The following ABCD2 variants were observed in gnomAD, a reference collection of about 807,000 sequenced individuals.
The protein encoded by ABCD2 is ATP-binding cassette sub-family D member 2.
A neutral mutation model predicts 70.9 loss-of-function variants in ABCD2; 36 were observed. The ratio of observed to expected loss-of-function variants is 0.51; its 90% CI spans 0.39 to 0.67. The LOEUF is 0.67. ABCD2 is among the 30% of genes least tolerant of loss of function. The pLI is 0.00. For missense variants in ABCD2, 729 were observed against 890.2 expected (o/e 0.82, Z 2.30); for synonymous variants, 304 against 306.9 (o/e 0.99, Z 0.10).
intron 9 of ABCD2, among the ~76,000 whole-genome samples, chr12:39,571,888 A>T (rs893546910): frequency 9.9e-5 from 15 of 152,168 alleles, no homozygotes; most frequent in Admixed American, 2.0e-4. Context: ...TATGGGAAAA[A>T]TATGACACAT....
Position 39,552,591 on chromosome 12 carries a change from A to T in ABCD2, c.*1321T>A, listed in dbSNP as rs1236279742. Reference sequence around the variant, plus strand: ...TAATTATTTGCCCTTCTCATTGCTAATGCCTTAGAGGTACATTAATATTGA... The same window carrying T: ...TAATTATTTGCCCTTCTCATTGCTATTGCCTTAGAGGTACATTAATATTGA... On this transcript the variant is annotated 3_prime_UTR_variant, in exon 10 of 10. Coordinates refer to ENST00000308666, the MANE Select transcript of ABCD2 (RefSeq NM_005164.4). 2.6e-5 allele frequency: 4 copies of T among 151,980 alleles called. No individual in the cohort carries two copies. 9.4% of individuals were successfully genotyped at this position (151,980 alleles called of 1,614,324 possible).
chr12:39,582,677 A>G (rs1298585330), intron 7 of ABCD2, among the ~76,000 whole-genome samples: 1 of 152,224 alleles, frequency 6.6e-6, no homozygotes, highest in Non-Finnish European at 1.5e-5. Flanking sequence ...TCTGCTTTCC[A>G]TATATAGTAG....
At chr12:39,603,365 T>C (rs181463591) in intron 5 of ABCD2, among the ~76,000 whole-genome samples, 1 of 152,216 alleles carries the variant, frequency 6.6e-6, no homozygotes, top group East Asian at 1.9e-4. Flanking sequence ...ATACTTTTAC[T>C]TTTTAGTTTT....
intron 6 of ABCD2, among the ~76,000 whole-genome samples, chr12:39,597,972 T>C (rs1212785347): frequency 6.6e-6 from 1 of 152,202 alleles, no homozygotes; most frequent in African/African-American, 2.4e-5. Flanking sequence ...ATTGAGGTGG[T>C]TTCATAATTT....
At chr12:39,558,941 G>A (rs1395283831) in intron 9 of ABCD2, among the ~76,000 whole-genome samples, 4 of 152,048 alleles carry the variant, frequency 2.6e-5, no homozygotes, top group African/African-American at 9.7e-5. Context: ...AAATGCAATG[G>A]AGACATCAAT....
intron 9 of ABCD2, among the ~76,000 whole-genome samples, chr12:39,554,556 A>G (rs1162983911): frequency 2.0e-5 from 3 of 152,204 alleles, no homozygotes; most frequent in African/African-American, 7.2e-5. Flanking sequence ...TTAATACACC[A>G]TCCTTTGGGA....
At chr12:39,564,087 T>G (rs970354653) in intron 9 of ABCD2, among the ~76,000 whole-genome samples, 1 of 152,194 alleles carries the variant, frequency 6.6e-6, no homozygotes, top group African/African-American at 2.4e-5. Context: ...ACAATAAACA[T>G]ATGTGTGCAT....
chr12:39,534,790 GAAA>G, the ABCD2 span, among the ~76,000 whole-genome samples: 1 of 137,986 alleles, frequency 7.2e-6, no homozygotes, highest in South Asian at 2.3e-4. Flanking sequence ...AAGAAAGAAA[GAAA>G]GAAAGAAAGA....
Position 39,553,996 on chromosome 12 carries a change from C to T in ABCD2, c.2139G>A (p.Met713Ile). The T allele has an allele frequency of 6.2e-6, 10 of 1,613,436 alleles. No individual in the cohort carries two copies. The highest frequency in any genetic ancestry group is 1.3e-5 in the African/African-American group (1 of 75,024). Reference sequence around the variant, plus strand: ...TACATAGTTCATTGAGTCTCTGCTGCATTTTGGGAATTCCAGCTAGCTGAG... The same window carrying T: ...TACATAGTTCATTGAGTCTCTGCTGTATTTTGGGAATTCCAGCTAGCTGAG... ...LESQLAGIPK[M>I]QQRLNELCKI... Residue 713 changes from methionine (M) to isoleucine (I), a missense_variant, in exon 10 of 10, where the codon ATG (methionine) becomes ATA (isoleucine). By Grantham distance (10) the Met-to-Ile change is conservative. Coordinates refer to ENST00000308666, the MANE Select transcript of ABCD2 (RefSeq NM_005164.4).
In ABCD2 at chr12:39,573,635, C is replaced by T. The variant is rs574445092; in HGVS notation, c.2003+81G>A. The stretch of plus-strand genomic sequence containing the variant: ...AATAAGTGAAATACCCTACCCTCTA[C>T]TGTGAAAAATTTAGCAAAGTTATTT... On this transcript the variant is annotated intron_variant, in intron 9 of 9. Transcript: ENST00000308666. 20 of 1,508,490 alleles carry T rather than the reference C, an allele frequency of 1.3e-5. No homozygotes were observed. In the African/African-American group the frequency reaches 1.9e-4, roughly 15 times the overall value. The allele number at this position is 1,508,490 out of a possible 1,614,324, so 93.4% of individuals were successfully genotyped here. A position where few individuals can be genotyped will look rare whatever the true frequency, so the allele number is the denominator to read the frequency against.
rs1279735387 is a variant in ABCD2, at chr12:39,559,460, G to A, written c.2004-5329C>T. Among the ~76,000 whole-genome samples, 4 of 148,620 alleles carry A rather than the reference G, an allele frequency of 2.7e-5. No individual in the cohort carries two copies. In the East Asian group the frequency reaches 5.9e-4, roughly 22 times the overall value. ...GTTAAGAAAGATAAAGATTTATAAA[G>A]CTTATTTAAATAAATCATAGCAGAA... On this transcript the variant is annotated intron_variant, in intron 9 of 9. Transcript: ENST00000308666.
intron 2 of ABCD2, among the ~76,000 whole-genome samples, chr12:39,611,885 T>C (rs1315088050): frequency 6.6e-6 from 1 of 152,050 alleles, no homozygotes; most frequent in Non-Finnish European, 1.5e-5. Context: ...ATAAAAGCTT[T>C]TACAAATCAG....
At chr12:39,542,273 C>G in the ABCD2 span, among the ~76,000 whole-genome samples, 11 of 152,040 alleles carry the variant, frequency 7.2e-5, no homozygotes, top group Non-Finnish European at 1.3e-4. Flanking sequence ...GCAATCCTGG[C>G]TAACATGGGG....
rs535257858 is a variant in ABCD2, at chr12:39,587,928, A to G, written c.1647-1631T>C. ...TATATAATTTCAGTCAAAGACAGAAAGAATCAGGCGGAAATTTTAAACTTT... is the reference window on the plus strand; with the variant it reads ...TATATAATTTCAGTCAAAGACAGAAGGAATCAGGCGGAAATTTTAAACTTT... On this transcript the variant is annotated intron_variant, in intron 6 of 9. Coordinates refer to ENST00000308666, the MANE Select transcript of ABCD2 (RefSeq NM_005164.4). Among the ~76,000 whole-genome samples the G allele has an allele frequency of 2.2e-4, 33 of 152,346 alleles. No individual in the cohort carries two copies. The South Asian group carries it at 6.8e-3, about 32-fold the overall frequency.
At chr12:39,560,447 T>G (rs1228960422) in intron 9 of ABCD2, among the ~76,000 whole-genome samples, 1 of 152,148 alleles carries the variant, frequency 6.6e-6, no homozygotes, top group East Asian at 1.9e-4. Context: ...TCTTTGCTAT[T>G]GGTAAATCAC....
chr12:39,617,706 T>G (rs1279326825), intron 1 of ABCD2, among the ~76,000 whole-genome samples: 1 of 152,210 alleles, frequency 6.6e-6, no homozygotes, highest in Non-Finnish European at 1.5e-5. Flanking sequence ...AAATTTACTT[T>G]AAATATTATT....
At chr12:39,543,599 C>A in the ABCD2 span, among the ~76,000 whole-genome samples, 113 of 152,266 alleles carry the variant, frequency 7.4e-4, no homozygotes, top group African/African-American at 2.6e-3. Flanking sequence ...TTTTTGGACA[C>A]ATTATTTTAC....
intron 9 of ABCD2, among the ~76,000 whole-genome samples, chr12:39,556,973 ACT>A (rs1228771110): frequency 3.5e-5 from 5 of 144,376 alleles, no homozygotes; most frequent in African/African-American, 7.9e-5. Context: ...ACAGAGTGAG[ACT>A]CTGTCTCAAA....
At chr12:39,613,383 C>T (rs71449732) in intron 2 of ABCD2, among the ~76,000 whole-genome samples, 2 of 31,870 alleles carry the variant, frequency 6.3e-5, no homozygotes, top group Non-Finnish European at 8.9e-5. Context: ...GAGACTCCGT[C>T]TCAAAAAAAA....
Sources: gnomAD v4.1 joint callset for allele counts (sites outside exome capture counted in the v4.1 genomes callset) on GRCh38, gnomAD v4.1.1 for gene constraint, MANE v1.5 for transcripts, NCBI Gene and HGNC (gene_info 2026-07-23, HGNC 2026-07-21) for gene names.